The following NLRP5 variants were observed in gnomAD, a reference collection of about 807,000 sequenced individuals.
The protein encoded by NLRP5 is NLR family pyrin domain containing 5, also known as NACHT, LRR and PYD domains-containing protein 5.
In NLRP5, 93 loss-of-function variants were observed where a neutral mutation model predicts 113.1. The ratio of observed to expected loss-of-function variants is 0.82; its 90% CI spans 0.70 to 0.98. The LOEUF is 0.98. Among genes scored for constraint, NLRP5 ranks in the 50% least tolerant of loss-of-function variants. NLRP5 has a pLI of 0.00. For synonymous variants in NLRP5, 751 were observed against 600.7 expected, an observed-to-expected ratio of 1.25 and a Z score of -3.66; for missense variants, 1,808 against 1,514.3, an observed-to-expected ratio of 1.19 and a Z score of -3.22.
intron 4 of NLRP5, chr19:56,018,798 G>C (rs1982502201): frequency 6.5e-6 from 1 of 154,028 alleles, no homozygotes; most frequent in Non-Finnish European, 1.4e-5. Flanking sequence ...CTTAACTGTA[G>C]GTTTTGCCCC....
chr19:56,029,667 C>A (rs982485748), intron 7 of NLRP5, among the ~76,000 whole-genome samples: 1 of 152,078 alleles, frequency 6.6e-6, no homozygotes, highest in African/African-American at 2.4e-5. Context: ...CTCCTATGAC[C>A]CAGAACACAG....
In NLRP5 at chr19:56,027,835, G is replaced by A. The variant is rs1436423009; in HGVS notation, c.1602G>A (p.Met534Ile). The change falls in exon 7 of 15, where the codon ATG becomes ATA. Residue 534 changes from methionine (M) to isoleucine (I), a missense_variant. Coordinates refer to ENST00000390649, the MANE Select transcript of NLRP5 (RefSeq NM_153447.4). The stretch of plus-strand genomic sequence containing the variant: ...TTGTCCTGAAGCGCTTCTGCCGTAT[G>A]GCTGTGGAGGGAGTGTGGAATAGGA... 1.9e-6 allele frequency: 3 copies of A among 1,613,992 alleles called. No homozygotes were observed. Among genetic ancestry groups the A allele is most frequent in the Non-Finnish European group, 2.5e-6 (3 of 1,179,890 alleles).
At chr19:56,010,534 CG>C (rs1982140711) in intron 3 of NLRP5, among the ~76,000 whole-genome samples, 1 of 151,154 alleles carries the variant, frequency 6.6e-6, no homozygotes, top group Non-Finnish European at 1.5e-5. Flanking sequence ...CACCTGAGGT[CG>C]GGAGTTCGAG....
At position 56,020,349 on chromosome 19, in the gene NLRP5, G is replaced by T. The variant is rs374748083; in HGVS notation, c.623-26G>T. On this transcript the variant is annotated intron_variant, in intron 5 of 14. Coordinates refer to ENST00000390649, the MANE Select transcript of NLRP5 (RefSeq NM_153447.4). ...TCTCTGACTCGAATAATAAACACAAGTATGTTGGAATTCATTCTTTTGCAG... is the reference window on the plus strand; with the variant it reads ...TCTCTGACTCGAATAATAAACACAATTATGTTGGAATTCATTCTTTTGCAG... 1,601 of 1,611,480 alleles carry T rather than the reference G, an allele frequency of 9.9e-4. 42 individuals are homozygous for T. The Admixed American group carries it at 0.026, about 26-fold the overall frequency.
chr19:56,038,838 AGAGT>A (rs1568496622), intron 10 of NLRP5, among the ~76,000 whole-genome samples: 1 of 152,134 alleles, frequency 6.6e-6, no homozygotes, highest in Non-Finnish European at 1.5e-5. Context: ...TTTCCGTGTC[AGAGT>A]TTTGTTGTTG....
At chr19:55,986,775 A>G in the NLRP5 span, among the ~76,000 whole-genome samples, 2 of 151,570 alleles carry the variant, frequency 1.3e-5, no homozygotes, top group Non-Finnish European at 2.9e-5. Flanking sequence ...CGTGATTGCC[A>G]GCTGGCCCAG....
chr19:56,039,807 G>A (rs180842045), intron 10 of NLRP5, among the ~76,000 whole-genome samples: 15 of 152,176 alleles, frequency 9.9e-5, no homozygotes, highest in South Asian at 2.1e-4. Flanking sequence ...CCAGCTACTC[G>A]GGAGGCTGAG....
At chr19:56,042,038 A>G (rs1983541360) in intron 11 of NLRP5, among the ~76,000 whole-genome samples, 1 of 152,182 alleles carries the variant, frequency 6.6e-6, no homozygotes, top group African/African-American at 2.4e-5. Context: ...GACATTGTTG[A>G]CAGTGGAGAG....
chr19:56,055,533 C>CTTTTTTTT lies in NLRP5; in HGVS notation c.3299+1726_3299+1727insTTTTTTTT, dbSNP rs1491011983. Among the ~76,000 whole-genome samples the CTTTTTTTT allele has an allele frequency of 7.5e-3, 741 of 99,400 alleles. 76 individuals carry two copies. Among genetic ancestry groups the CTTTTTTTT allele is most frequent in the Non-Finnish European group, 0.011 (540 of 48,160 alleles). The allele number at this position is 99,400 out of a possible 152,430, so 65.2% of individuals were successfully genotyped here. On this transcript the variant is annotated intron_variant, in intron 13 of 14. Transcript: ENST00000390649. Reference sequence around the variant, plus strand: ...AGCTCCATGTTCTATTTTTCTTTCTCTGTCTTTTTTTTTTTTTTTTTTTTT... The same window carrying CTTTTTTTT: ...AGCTCCATGTTCTATTTTTCTTTCTCTTTTTTTTTGTCTTTTTTTTTTTTTTTTTTTTT...
At chr19:56,000,161 T>G (rs956507143) in intron 1 of NLRP5, among the ~76,000 whole-genome samples, 2 of 152,144 alleles carry the variant, frequency 1.3e-5, no homozygotes, top group African/African-American at 4.8e-5. Flanking sequence ...CAATGACAGT[T>G]GCCCAGGCAT....
intron 13 of NLRP5, among the ~76,000 whole-genome samples, chr19:56,057,144 G>T (rs929393092): frequency 6.6e-6 from 1 of 152,104 alleles, no homozygotes; most frequent in Middle Eastern, 3.4e-3. Flanking sequence ...TGTGCATTTT[G>T]GATTTTTTCT....
At chr19:56,005,110 ATAT>A (rs1981811222) in intron 2 of NLRP5, among the ~76,000 whole-genome samples, 7 of 68,828 alleles carry the variant, frequency 1.0e-4, no homozygotes, top group South Asian at 9.3e-4. Context: ...AAAAAAAAAT[ATAT>A]ATATATATAT....
At chr19:56,005,359 T>A (rs1226925654) in intron 2 of NLRP5, among the ~76,000 whole-genome samples, 1 of 144,762 alleles carries the variant, frequency 6.9e-6, no homozygotes, top group Non-Finnish European at 1.5e-5. Context: ...ACATATATTT[T>A]TATATACACA....
At chr19:56,012,272 C>T (rs147506434) in intron 3 of NLRP5, among the ~76,000 whole-genome samples, 1 of 152,038 alleles carries the variant, frequency 6.6e-6, no homozygotes, top group African/African-American at 2.4e-5. Context: ...CCTCAGCCTC[C>T]CAAGTAGCTG....
chr19:56,061,320 G>A (rs1984344683), intron 14 of NLRP5, 76 bp from the exon 15 acceptor site: 3 of 1,528,500 alleles, frequency 2.0e-6, no homozygotes, highest in African/African-American at 2.8e-5. Context: ...CCTTGATGAG[G>A]CTACCAGGAA....
In NLRP5 at chr19:56,009,339, CAAA is replaced by C. The variant is rs71296979; in HGVS notation, c.508+504_508+506del. ...TGGGCGACAGAACGAGACTCCATCT[CAAA>C]AAAAAAAAAAAAAAAAAGAGTTCTG... On this transcript the variant is annotated intron_variant, in intron 3 of 14. Coordinates refer to ENST00000390649, the MANE Select transcript of NLRP5 (RefSeq NM_153447.4). Among the ~76,000 whole-genome samples, 9 of 44,304 alleles carry C rather than the reference CAAA, an allele frequency of 2.0e-4. 1 individual carries two copies. Among genetic ancestry groups the C allele is most frequent in the Non-Finnish European group, 2.7e-4 (7 of 25,916 alleles). The allele number at this position is 44,304 out of a possible 152,430, so 29.1% of individuals were successfully genotyped here. A position where few individuals can be genotyped will look rare whatever the true frequency, so the allele number is the denominator to read the frequency against.
chr19:56,049,063 C>G (rs1487678955), intron 11 of NLRP5, among the ~76,000 whole-genome samples: 1 of 147,144 alleles, frequency 6.8e-6, no homozygotes, highest in Non-Finnish European at 1.5e-5. Flanking sequence ...CTCACTGCAA[C>G]CTCCGCCTCC....
At chr19:56,008,254 CAGAG>C (rs1211332378) in intron 2 of NLRP5, among the ~76,000 whole-genome samples, 1 of 151,942 alleles carries the variant, frequency 6.6e-6, no homozygotes, top group African/African-American at 2.4e-5. Context: ...GAACTAAATG[CAGAG>C]AGAGAGAACG....
At position 56,019,177 on chromosome 19, in the gene NLRP5, G is replaced by T. The variant is rs306427; in HGVS notation, c.566-165G>T. On this transcript the variant is annotated intron_variant, in intron 4 of 14. Transcript: ENST00000390649. ...CCTCACCCTCAAGCTTTGAATTAGT[G>T]CTCATTGTACCAGTGCACTCTGTCT... 0.22 allele frequency: 157,025 copies of T among 702,710 alleles called. 18,145 individuals carry two copies. Among genetic ancestry groups the T allele is most frequent in the African/African-American group, 0.25 (13,863 of 55,460 alleles). 43.5% of individuals were successfully genotyped at this position (702,710 alleles called of 1,614,324 possible). A position where few individuals can be genotyped will look rare whatever the true frequency, so the allele number is the denominator to read the frequency against.
Sources: allele counts gnomAD v4.1 joint callset (sites outside exome capture counted in the v4.1 genomes callset), GRCh38; gene constraint gnomAD v4.1.1; transcripts MANE v1.5; gene names NCBI Gene and HGNC (gene_info 2026-07-23, HGNC 2026-07-21).